Variants in TPST2 observed in about 807,000 individuals in gnomAD.
TPST2 encodes the protein tyrosylprotein sulfotransferase 2.
A neutral mutation model predicts 27.8 loss-of-function variants in TPST2; 16 were observed. The observed-to-expected ratio is 0.58, with a 90% CI of 0.39 to 0.88. The LOEUF (loss-of-function observed/expected upper bound fraction) is 0.88, where lower values mean the gene tolerates loss of function less well. Ranked by LOEUF, TPST2 falls within the 40% of genes least tolerant of loss-of-function variation. The probability of loss-of-function intolerance (pLI) is 0.00; values close to 1 mark genes in which losing one functional copy is unlikely to be tolerated. For missense variants in TPST2, 464 were observed against 543.1 expected, an observed-to-expected ratio of 0.85 and a Z score of 1.45; for synonymous variants, 229 against 231.7, an observed-to-expected ratio of 0.99 and a Z score of 0.10.
intron 1 of TPST2, among the ~76,000 whole-genome samples, chr22:26,548,807 A>T (rs972151482): frequency 1.9e-4 from 29 of 151,100 alleles, no homozygotes; most frequent in South Asian, 2.1e-4. Flanking sequence ...ACAAAAAAAA[A>T]TTTTTTTTTA....
At chr22:26,572,576 T>C (rs1170040995) in intron 1 of TPST2, among the ~76,000 whole-genome samples, 1 of 152,202 alleles carries the variant, frequency 6.6e-6, no homozygotes, top group East Asian at 1.9e-4. Flanking sequence ...CTTGGGCTGC[T>C]TATCTCCTCA....
chr22:26,528,577 A>T (rs994983561), intron 5 of TPST2, among the ~76,000 whole-genome samples: 2 of 152,222 alleles, frequency 1.3e-5, no homozygotes, highest in Non-Finnish European at 2.9e-5. Flanking sequence ...AACGGTGGCC[A>T]GGAAAGGACT....
intron 1 of TPST2, among the ~76,000 whole-genome samples, chr22:26,587,830 C>G (rs1251491889): frequency 6.6e-6 from 1 of 152,116 alleles, no homozygotes; most frequent in Non-Finnish European, 1.5e-5. Flanking sequence ...CAGTGGCTCA[C>G]ACCTATAATC....
intron 4 of TPST2, 191 bp downstream of exon 4, chr22:26,536,097 G>A (rs1475832726): frequency 2.4e-6 from 2 of 820,326 alleles, no homozygotes; most frequent in Admixed American, 2.0e-5. Flanking sequence ...AGTTGGCTTT[G>A]AGCTTCCCTG....
intron 1 of TPST2, among the ~76,000 whole-genome samples, chr22:26,553,908 T>C (rs1024867169): frequency 2.0e-5 from 3 of 152,182 alleles, no homozygotes; most frequent in African/African-American, 7.2e-5. Context: ...GCTCTGTTCA[T>C]GTTCAGTACA....
chr22:26,534,950 ATC>A (rs1204446409), intron 4 of TPST2, among the ~76,000 whole-genome samples: 2 of 152,158 alleles, frequency 1.3e-5, no homozygotes, highest in Non-Finnish European at 2.9e-5. Flanking sequence ...TGTACGTTGA[ATC>A]TCTGAGTATT....
chr22:26,528,170 C>T, intron 6 of TPST2, 44 bp downstream of exon 6: 1 of 1,552,042 alleles, frequency 6.4e-7, no homozygotes, highest in Non-Finnish European at 8.7e-7. Flanking sequence ...GCTCCGGGGC[C>T]ACCCAGAAGC....
rs570708696 is a variant in TPST2, at chr22:26,571,484, A to G, written c.-161+18569T>C. On this transcript the variant is annotated intron_variant, in intron 1 of 6. Coordinates refer to ENST00000338754, the MANE Select transcript of TPST2 (RefSeq NM_003595.5). The stretch of plus-strand genomic sequence containing the variant: ...CTAACACATCATATGATTGACTTAC[A>G]TATTCTGCATTCATTGTCTGGGAGC... 3.3e-5 allele frequency among the ~76,000 whole-genome samples: 5 copies of G among 151,902 alleles called. No homozygotes were observed. The East Asian group carries it at 9.7e-4, about 29-fold the overall frequency.
At chr22:26,536,559 A>C (rs1925484442) in intron 3 of TPST2, 73 bp from the exon 4 acceptor site, 1 of 1,327,378 alleles carries the variant, frequency 7.5e-7, no homozygotes, top group Non-Finnish European at 9.9e-7. Flanking sequence ...CTGCTCAGCC[A>C]CTCTGGGGCA....
intron 1 of TPST2, among the ~76,000 whole-genome samples, chr22:26,559,130 G>A (rs1042584779): frequency 6.6e-6 from 1 of 152,260 alleles, no homozygotes; most frequent in Admixed American, 6.5e-5. Context: ...ACTACGGGAG[G>A]CCGAGGCAGG....
intron 3 of TPST2, among the ~76,000 whole-genome samples, chr22:26,538,846 G>A (rs1324394846): frequency 2.6e-5 from 4 of 152,118 alleles, no homozygotes; most frequent in Non-Finnish European, 5.9e-5. Flanking sequence ...CAACAAAAAT[G>A]CTGCTACCAA....
At chr22:26,547,043 A>G (rs1471154576) in intron 1 of TPST2, among the ~76,000 whole-genome samples, 12 of 152,226 alleles carry the variant, frequency 7.9e-5, no homozygotes, top group African/African-American at 2.9e-4. Context: ...AGTGCTGATT[A>G]GAGGGCAAAT....
At chr22:26,544,903 G>A (rs775969619) in intron 1 of TPST2, among the ~76,000 whole-genome samples, 5 of 152,194 alleles carry the variant, frequency 3.3e-5, no homozygotes, top group African/African-American at 7.2e-5. Context: ...AGGCAGAGAG[G>A]TGTGAGCTGA....
chr22:26,582,105 T>C (rs1275669075), intron 1 of TPST2, among the ~76,000 whole-genome samples: 2 of 152,158 alleles, frequency 1.3e-5, no homozygotes, highest in Admixed American at 1.3e-4. Context: ...AACACAGTCT[T>C]AGTCTCTGCC....
chr22:26,571,279 A>G (rs1927614086), intron 1 of TPST2, among the ~76,000 whole-genome samples: 1 of 151,978 alleles, frequency 6.6e-6, no homozygotes, highest in East Asian at 1.9e-4. Context: ...CGCTGCCCGG[A>G]TGCCCTTTCC....
At chr22:26,552,809 C>T (rs1206347828) in intron 1 of TPST2, among the ~76,000 whole-genome samples, 1 of 152,116 alleles carries the variant, frequency 6.6e-6, no homozygotes, top group Non-Finnish European at 1.5e-5. Context: ...CCTATAATCC[C>T]AGCACTTTGG....
chr22:26,535,419 T>A (rs1331588397), intron 4 of TPST2, among the ~76,000 whole-genome samples: 1 of 152,192 alleles, frequency 6.6e-6, no homozygotes, highest in East Asian at 1.9e-4. Context: ...TGGAAACGTA[T>A]AAATAAGGCC....
At chr22:26,577,384 G>C (rs1216439715) in intron 1 of TPST2, among the ~76,000 whole-genome samples, 2 of 148,946 alleles carry the variant, frequency 1.3e-5, no homozygotes, top group African/African-American at 4.9e-5. Context: ...TCGCTCTGTC[G>C]CCCAGGCTGA....
chr22:26,563,581 G>A (rs937286111), intron 1 of TPST2, among the ~76,000 whole-genome samples: 5 of 151,342 alleles, frequency 3.3e-5, no homozygotes, highest in African/African-American at 9.7e-5. Flanking sequence ...CACCCGCCTC[G>A]GCCTCCTAAA....
Sources: gnomAD v4.1 joint callset for allele counts (sites outside exome capture counted in the v4.1 genomes callset) on GRCh38, gnomAD v4.1.1 for gene constraint, MANE v1.5 for transcripts, NCBI Gene and HGNC (gene_info 2026-07-23, HGNC 2026-07-21) for gene names.